The following ERLEC1 variants were observed in gnomAD, a reference collection of about 807,000 sequenced individuals.
The protein encoded by ERLEC1 is endoplasmic reticulum lectin 1, also known as ER lectin.
In ERLEC1, 47 loss-of-function variants were observed where a neutral mutation model predicts 68.0. The ratio of observed to expected loss-of-function variants is 0.69; its 90% CI spans 0.55 to 0.88. The LOEUF is 0.88. Ranked by LOEUF, ERLEC1 falls within the 40% of genes least tolerant of loss-of-function variation. The probability of loss-of-function intolerance (pLI) is 0.00; values close to 1 mark genes in which losing one functional copy is unlikely to be tolerated. For synonymous variants in ERLEC1, 225 were observed against 203.2 expected (o/e 1.11, Z -0.91); for missense variants, 567 against 583.8 (o/e 0.97, Z 0.30).
chr2:53,802,753 G>C (rs753192463), intron 8 of ERLEC1, among the ~76,000 whole-genome samples: 2 of 151,938 alleles, frequency 1.3e-5, no homozygotes. Context: ...TAAAAGTACC[G>C]CGGAGTTTTG....
rs201699099 is a variant in ERLEC1 at position 53,801,511 on chromosome 2, A to T, written c.640A>T (p.Ile214Leu). 6.7e-5 allele frequency: 108 copies of T among 1,614,034 alleles called. No individual in the cohort carries two copies. The highest frequency in any genetic ancestry group is 8.1e-5 in the Non-Finnish European group (96 of 1,180,000). ...NRPRSSTVMY[I>L]CHPESKHEIL... is the part of the protein sequence containing the mutation. Reference sequence around the variant, plus strand: ...GCCCAGATCAAGTACTGTGATGTACATATGTCATCCTGAATCTAAGCATGA... The same window carrying T: ...GCCCAGATCAAGTACTGTGATGTACTTATGTCATCCTGAATCTAAGCATGA... The change falls in exon 7 of 14, where the codon ATA (isoleucine) becomes TTA (leucine). Residue 214 changes from isoleucine (I) to leucine (L), a missense_variant. Ile to Leu is a conservative substitution (Grantham distance 5, BLOSUM62 2). Transcript: ENST00000185150.
At chr2:53,793,620 CTTT>C (rs1187132326) in intron 1 of ERLEC1, among the ~76,000 whole-genome samples, 6 of 146,920 alleles carry the variant, frequency 4.1e-5, no homozygotes, top group Non-Finnish European at 9.1e-5. Flanking sequence ...TTCTTTTTTT[CTTT>C]TTTTTTTGTA....
chr2:53,792,761 A>T (rs1007428243), intron 1 of ERLEC1, among the ~76,000 whole-genome samples: 1 of 152,214 alleles, frequency 6.6e-6, no homozygotes, highest in Non-Finnish European at 1.5e-5. Context: ...TCACGCCTGT[A>T]ATCCCAACAC....
At chr2:53,796,110 GTTTT>G in intron 3 of ERLEC1, 97 bp downstream of exon 3, 1 of 634,890 alleles carries the variant, frequency 1.6e-6, no homozygotes, top group Non-Finnish European at 2.5e-6. Context: ...GTTGTGTCAG[GTTTT>G]TTTTTTTAAC....
intron 8 of ERLEC1, among the ~76,000 whole-genome samples, chr2:53,805,184 G>A (rs940845282): frequency 1.7e-4 from 26 of 150,908 alleles, no homozygotes; most frequent in African/African-American, 4.4e-4. Flanking sequence ...CACCATGCCC[G>A]GCTAATTTTT....
rs1280714888 is a variant in ERLEC1, at chr2:53,818,230, A to T, written c.*261A>T. 3.6e-6 allele frequency: 1 copy of T among 275,536 alleles called. No homozygotes were observed. Among genetic ancestry groups the T allele is most frequent in the African/African-American group, 2.2e-5 (1 of 46,414 alleles). 17.1% of individuals were successfully genotyped at this position (275,536 alleles called of 1,614,324 possible). A position where few individuals can be genotyped will look rare whatever the true frequency, so the allele number is the denominator to read the frequency against. Reference sequence around the variant, plus strand: ...TCTTTGCTTGGATACTGTGATTCCAAAATAAATCTCATCCAAGCAAGTTAG... The same window carrying T: ...TCTTTGCTTGGATACTGTGATTCCATAATAAATCTCATCCAAGCAAGTTAG... On this transcript the variant is annotated 3_prime_UTR_variant, in exon 14 of 14. Transcript: ENST00000185150.
In ERLEC1 at chr2:53,787,125, G is replaced by GCCTCCT. The variant is rs1298102280; in HGVS notation, c.-80_-75dup. The GCCTCCT allele has an allele frequency of 7.6e-6, 5 of 661,156 alleles. No homozygotes were observed. In the East Asian group the frequency reaches 2.2e-4, roughly 29 times the overall value. 41.0% of individuals were successfully genotyped at this position (661,156 alleles called of 1,614,324 possible). A position where few individuals can be genotyped will look rare whatever the true frequency, so the allele number is the denominator to read the frequency against. ...TACCCGGGCGCTTTATAGTCCCGCCGCCTCCTCCTCCACCTCCTCCTCCTC... is the reference window on the plus strand; with the variant it reads ...TACCCGGGCGCTTTATAGTCCCGCCGCCTCCTCCTCCTCCTCCACCTCCTCCTCCTC... On this transcript the variant is annotated 5_prime_UTR_variant, in exon 1 of 14. Transcript: ENST00000185150.
rs996481611 is a variant in ERLEC1, at chr2:53,818,180, T to C, written c.*211T>C. The C allele has an allele frequency of 9.7e-6, 4 of 414,128 alleles. No individual in the cohort carries two copies. Among genetic ancestry groups the C allele is most frequent in the Non-Finnish European group, 1.7e-5 (4 of 229,070 alleles). The allele number at this position is 414,128 out of a possible 1,614,324, so 25.7% of individuals were successfully genotyped here. ...TTTGTCTCGCTTTTTTTCATTTTTG[T>C]TGTGTCTTATAAACTGACTGTTTTT... On this transcript the variant is annotated 3_prime_UTR_variant, in exon 14 of 14. Coordinates refer to ENST00000185150, the MANE Select transcript of ERLEC1 (RefSeq NM_015701.5).
chr2:53,807,664 C>G (rs1021878081), intron 8 of ERLEC1, among the ~76,000 whole-genome samples: 22 of 152,140 alleles, frequency 1.4e-4, no homozygotes, highest in African/African-American at 5.1e-4. Flanking sequence ...TTTTCCAAAA[C>G]CAAATGTAGG....
intron 10 of ERLEC1, 74 bp downstream of exon 10, chr2:53,809,347 G>T: frequency 9.9e-7 from 1 of 1,014,000 alleles, no homozygotes; most frequent in African/African-American, 1.7e-5. Context: ...AGAAAAAAAG[G>T]GGGAATGGTA....
At chr2:53,809,814 G>C (rs1319548984) in intron 10 of ERLEC1, among the ~76,000 whole-genome samples, 5 of 152,178 alleles carry the variant, frequency 3.3e-5, no homozygotes, top group African/African-American at 1.2e-4. Flanking sequence ...CCAGCACTTT[G>C]GGAGGCCAAG....
At chr2:53,814,707 T>C in intron 12 of ERLEC1, 87 bp downstream of exon 12, 2 of 1,039,156 alleles carry the variant, frequency 1.9e-6, no homozygotes, top group South Asian at 2.9e-5. Context: ...AGTATAATTA[T>C]GAATAATTAT....
In ERLEC1 at chr2:53,807,969, G is replaced by A. The variant is rs550617219; in HGVS notation, c.880-330G>A. On this transcript the variant is annotated intron_variant, in intron 8 of 13. Transcript: ENST00000185150. ...TAACCCAGGAAGCGGAGGTTGTGGT[G>A]AGCTGAGACCGCACCAGCGCACTCC... Among the ~76,000 whole-genome samples, 42 of 151,542 alleles carry A rather than the reference G, an allele frequency of 2.8e-4. 2 individuals carry two copies. In the South Asian group the frequency reaches 8.3e-3, roughly 30 times the overall value.
At chr2:53,787,461 C>A in intron 1 of ERLEC1, 89 bp downstream of exon 1, 1 of 1,457,070 alleles carries the variant, frequency 6.9e-7, no homozygotes, top group Non-Finnish European at 9.2e-7. Flanking sequence ...TTTTTCTCCC[C>A]AAGACCTTCT....
At chr2:53,809,900 A>C (rs537763539) in intron 10 of ERLEC1, among the ~76,000 whole-genome samples, 1 of 152,130 alleles carries the variant, frequency 6.6e-6, no homozygotes, top group East Asian at 1.9e-4. Flanking sequence ...TACTACTAAA[A>C]ATACAAAAAT....
chr2:53,793,969 A>G (rs1675550098), intron 1 of ERLEC1, among the ~76,000 whole-genome samples: 1 of 152,202 alleles, frequency 6.6e-6, no homozygotes, highest in African/African-American at 2.4e-5. Flanking sequence ...TTCATTTATA[A>G]GTGGAGGCTA....
Position 53,792,203 on chromosome 2 carries a change from C to T in ERLEC1, c.163-2142C>T, listed in dbSNP as rs1675445587. On this transcript the variant is annotated intron_variant, in intron 1 of 13. Transcript: ENST00000185150. ...AAGTGCTGGGATTACCGGCGTGAGC[C>T]ACCGCGCCAGGCCTTTTTTTTTTTT... Among the ~76,000 whole-genome samples, 5 of 150,710 alleles carry T rather than the reference C, an allele frequency of 3.3e-5. No individual in the cohort carries two copies. The Admixed American group carries it at 3.3e-4, about 10-fold the overall frequency.
In ERLEC1 at chr2:53,805,462, C is replaced by T. The variant is rs1233398929; in HGVS notation, c.880-2837C>T. ...CGAACTCCTGAGCTCAAGCATTCCT[C>T]CTGCCTTGGCCTCCCAAAGTGCTAG... is the stretch of plus-strand genomic sequence containing the variant. On this transcript the variant is annotated intron_variant, in intron 8 of 13. Coordinates refer to ENST00000185150, the MANE Select transcript of ERLEC1 (RefSeq NM_015701.5). Among the ~76,000 whole-genome samples the T allele has an allele frequency of 2.0e-5, 3 of 152,120 alleles. No individual in the cohort carries two copies. The South Asian group carries it at 6.2e-4, about 32-fold the overall frequency.
At chr2:53,797,683 A>G (rs1010234733) in intron 4 of ERLEC1, 49 bp from the exon 5 acceptor site, 1 of 1,572,744 alleles carries the variant, frequency 6.4e-7, no homozygotes, top group African/African-American at 1.4e-5. Context: ...ATCCTTAAAA[A>G]TGTCTTTGCA....
Sources: allele counts gnomAD v4.1 joint callset (sites outside exome capture counted in the v4.1 genomes callset), GRCh38; gene constraint gnomAD v4.1.1; transcripts MANE v1.5; gene names NCBI Gene and HGNC (gene_info 2026-07-23, HGNC 2026-07-21).